LHX1: variants seen among roughly 807,000 people sequenced by gnomAD.
LHX1 encodes LIM homeobox 1.
Under a neutral mutation model 34.1 loss-of-function variants are expected in LHX1, and 9 were observed. That is an observed-to-expected ratio of 0.26 (90% CI 0.16 to 0.46). The LOEUF (loss-of-function observed/expected upper bound fraction) is 0.46. Ranked by LOEUF, LHX1 falls within the 20% of genes least tolerant of loss-of-function variation. The probability of loss-of-function intolerance (pLI) is 1.00; values close to 1 mark genes in which losing one functional copy is unlikely to be tolerated. For synonymous variants in LHX1, 254 were observed against 241.5 expected (o/e 1.05, Z -0.48); for missense variants, 446 against 559.1 (o/e 0.80, Z 2.04).
At position 36,944,317 on chromosome 17, in the gene LHX1, A is replaced by T. The variant is rs960726196; in HGVS notation, c.*1186A>T. On this transcript the variant is annotated 3_prime_UTR_variant, in exon 5 of 5. Transcript: ENST00000614239. ...GATTTAAAAAAAAACATCTTTGCTA[A>T]TTTTTTTGTCCTGTTGAACATTCAT... 2 of 151,846 alleles carry T rather than the reference A, an allele frequency of 1.3e-5. No homozygotes were observed. The highest frequency in any genetic ancestry group is 2.9e-5 in the Non-Finnish European group (2 of 67,950). 9.4% of individuals were successfully genotyped at this position (151,846 alleles called of 1,614,324 possible). A position where few individuals can be genotyped will look rare whatever the true frequency, so the allele number is the denominator to read the frequency against.
Position 36,937,735 on chromosome 17 carries a change from ACAGCTCTACCT to A in LHX1, c.-460_-450del. The A allele has an allele frequency of 2.2e-6, 1 of 454,388 alleles. No individual in the cohort carries two copies. Among genetic ancestry groups the A allele is most frequent in the South Asian group, 1.6e-5 (1 of 63,990 alleles). 28.1% of individuals were successfully genotyped at this position (454,388 alleles called of 1,614,324 possible). A position where few individuals can be genotyped will look rare whatever the true frequency, so the allele number is the denominator to read the frequency against. On this transcript the variant is annotated 5_prime_UTR_variant, in exon 1 of 5. Transcript: ENST00000614239. Reference sequence around the variant, plus strand: ...AAAAGCAGATGCACTTTGACTTCTGACAGCTCTACCTCAAGCCCCGGAGAACTCAGCGGCGC... The same window carrying A: ...AAAAGCAGATGCACTTTGACTTCTGACAAGCCCCGGAGAACTCAGCGGCGC...
Position 36,943,189 on chromosome 17 carries a change from G to GAAA in LHX1, c.*61_*63dup. ...TGTACAGAAATGAACCTTTATTTAA[G>GAAA]AAAAATAGAAAAAAAAAAACATAAA... On this transcript the variant is annotated 3_prime_UTR_variant, in exon 5 of 5. Coordinates refer to ENST00000614239, the MANE Select transcript of LHX1 (RefSeq NM_005568.5). 5 of 1,202,290 alleles carry GAAA rather than the reference G, an allele frequency of 4.2e-6. No homozygotes were observed. The highest frequency in any genetic ancestry group is 3.6e-5 in the Admixed American group (1 of 27,484). 74.5% of individuals were successfully genotyped at this position (1,202,290 alleles called of 1,614,324 possible). A position where few individuals can be genotyped will look rare whatever the true frequency, so the allele number is the denominator to read the frequency against.
rs2070786158 is a variant in LHX1 at position 36,943,944 on chromosome 17, A to AT, written c.*813_*814insT. On this transcript the variant is annotated 3_prime_UTR_variant, in exon 5 of 5. Transcript: ENST00000614239. ...ACACACAAAAAGTTAAAAAAAAAAA[A>AT]AAAGACTATTGAACTAAAAACAGTC... 6.6e-6 allele frequency: 1 copy of AT among 151,880 alleles called. No homozygotes were observed. Among genetic ancestry groups the AT allele is most frequent in the African/African-American group, 2.4e-5 (1 of 41,364 alleles). 9.4% of individuals were successfully genotyped at this position (151,880 alleles called of 1,614,324 possible).
chr17:36,940,048 C>CTT, intron 1 of LHX1: 1 of 596,848 alleles, frequency 1.7e-6, no homozygotes, highest in Non-Finnish European at 3.0e-6. Flanking sequence ...CCGCGTGTAT[C>CTT]CCCTCCCTAA....
At chr17:36,940,258 C>CCG in intron 1 of LHX1, 32 bp from the exon 2 acceptor site, 2 of 528,906 alleles carry the variant, frequency 3.8e-6, no homozygotes, top group Non-Finnish European at 3.3e-6. Flanking sequence ...GACCCATCCC[C>CCG]GCCCCCGCCC....
At position 36,937,859 on chromosome 17, in the gene LHX1, G is replaced by A. The variant is rs371627466; in HGVS notation, c.-339G>A. On this transcript the variant is annotated 5_prime_UTR_variant, in exon 1 of 5. Transcript: ENST00000614239. ...TTCCGTTCCCGCCGCCGTTCTCGCT[G>A]ACCTTCACTCCTCCGCGGGCTCTGA... The A allele has an allele frequency of 8.4e-6, 5 of 596,634 alleles. No individual in the cohort carries two copies. The highest frequency in any genetic ancestry group is 7.6e-5 in the South Asian group (5 of 65,534). 37.0% of individuals were successfully genotyped at this position (596,634 alleles called of 1,614,324 possible).
chr17:36,943,011 C>T lies in LHX1; in HGVS notation c.1101C>T (p.Ser367=), dbSNP rs1249529782. 1.2e-6 allele frequency: 2 copies of T among 1,610,610 alleles called. No individual in the cohort carries two copies. Among genetic ancestry groups the T allele is most frequent in the Non-Finnish European group, 1.7e-6 (2 of 1,178,578 alleles). Residue 367 remains serine (S), a synonymous_variant, in exon 5 of 5, where the codon TCC becomes TCT. Coordinates refer to ENST00000614239, the MANE Select transcript of LHX1 (RefSeq NM_005568.5). ...CCAGCCTGCCCGGGCCTCTGCACTC[C>T]ATGTCGGCCGAGGTCTTCGGACCCA... The part of the protein sequence containing the change: ...PEPSLPGPLH[S]MSAEVFGPSP...
At chr17:36,939,855 C>T (rs904595378) in intron 1 of LHX1, among the ~76,000 whole-genome samples, 1 of 152,376 alleles carries the variant, frequency 6.6e-6, no homozygotes, top group Non-Finnish European at 1.5e-5. Context: ...GCTCCGCGCA[C>T]GTTTATATAG....
chr17:36,942,731 G>A, intron 4 of LHX1, 21 bp from the exon 5 acceptor site: 1 of 1,473,996 alleles, frequency 6.8e-7, no homozygotes, highest in Non-Finnish European at 9.0e-7. Context: ...GACGTCCTGC[G>A]CCCTCCCCGC....
chr17:36,942,708 C>T (rs768354752), intron 4 of LHX1, 44 bp from the exon 5 acceptor site: 2 of 1,447,474 alleles, frequency 1.4e-6, no homozygotes, highest in Non-Finnish European at 1.8e-6. Flanking sequence ...CCGCCGGCCC[C>T]CGGCCGGGCC....
rs573973920 is a variant in LHX1, at chr17:36,939,642, C to G, written c.171-648C>G. 1.4e-3 allele frequency among the ~76,000 whole-genome samples: 208 copies of G among 152,344 alleles called. 1 individual carries two copies. The highest frequency in any genetic ancestry group is 4.9e-3 in the African/African-American group (203 of 41,584). ...GTCCCTGAGCCTGGCTTCCACAACCCGCGGCAGAGCGCCCAGAGCCAGCTC... is the reference window on the plus strand; with the variant it reads ...GTCCCTGAGCCTGGCTTCCACAACCGGCGGCAGAGCGCCCAGAGCCAGCTC... On this transcript the variant is annotated intron_variant, in intron 1 of 4. Coordinates refer to ENST00000614239, the MANE Select transcript of LHX1 (RefSeq NM_005568.5).
intron 3 of LHX1, chr17:36,941,334 T>C: frequency 2.8e-6 from 1 of 360,272 alleles, no homozygotes; most frequent in Non-Finnish European, 5.4e-6. Flanking sequence ...TTGCTCCAAT[T>C]AGACAAGCCC....
At chr17:36,940,258 C>CGGGGGGGGGGGGGG in intron 1 of LHX1, 32 bp from the exon 2 acceptor site, 10 of 528,874 alleles carry the variant, frequency 1.9e-5, no homozygotes, top group East Asian at 3.5e-5. Flanking sequence ...GACCCATCCC[C>CGGGGGGGGGGGGGG]GCCCCCGCCC....
chr17:36,941,406 C>T (rs1045862213), intron 3 of LHX1: 4 of 330,756 alleles, frequency 1.2e-5, no homozygotes, highest in Non-Finnish European at 2.4e-5. Flanking sequence ...CTGCTTCCAG[C>T]GGGTTGGAGT....
At chr17:36,942,512 G>A in intron 4 of LHX1, 147 bp downstream of exon 4, 2 of 955,182 alleles carry the variant, frequency 2.1e-6, no homozygotes, top group South Asian at 1.7e-5. Context: ...AAATCAAGGG[G>A]AGGCGGCGAG....
At chr17:36,938,700 G>A (rs111784625) in intron 1 of LHX1, 148 of 462,358 alleles carry the variant, frequency 3.2e-4, no homozygotes, top group Non-Finnish European at 5.2e-4. Context: ...CTTTCCCGGA[G>A]CCAAGCTCTG....
Position 36,940,766 on chromosome 17 carries a change from C to T in LHX1, c.554C>T (p.Thr185Ile). The change falls in exon 3 of 5, where the codon ACC becomes ATC. Residue 185 changes from threonine (T) to isoleucine (I), a missense_variant. Thr to Ile is a moderately conservative substitution (Grantham distance 89). This residue lies in a region of LHX1 where 43 missense variants were observed against 108.0 expected (regional missense o/e 0.40). Transcript: ENST00000614239. ...NLGAKRRGPR[T>I]TIKAKQLETL... ...GGCGCCAAGCGGCGGGGACCGCGCACCACCATCAAAGCCAAGCAGCTGGAG... is the reference window on the plus strand; with the variant it reads ...GGCGCCAAGCGGCGGGGACCGCGCATCACCATCAAAGCCAAGCAGCTGGAG... 1 of 1,613,578 alleles carries T rather than the reference C, an allele frequency of 6.2e-7. No homozygotes were observed. The highest frequency in any genetic ancestry group is 8.5e-7 in the Non-Finnish European group (1 of 1,180,058).
Position 36,943,799 on chromosome 17 carries a change from G to A in LHX1, c.*668G>A. The A allele has an allele frequency of 6.6e-6, 1 of 151,506 alleles. No homozygotes were observed. The highest frequency in any genetic ancestry group is 1.9e-4 in the East Asian group (1 of 5,186). The allele number at this position is 151,506 out of a possible 1,614,324, so 9.4% of individuals were successfully genotyped here. On this transcript the variant is annotated 3_prime_UTR_variant, in exon 5 of 5. Coordinates refer to ENST00000614239, the MANE Select transcript of LHX1 (RefSeq NM_005568.5). ...CCTCCGTATCAACTCTTCTACCTTCGCAAAACTACACATACACACATACAC... is the reference window on the plus strand; with the variant it reads ...CCTCCGTATCAACTCTTCTACCTTCACAAAACTACACATACACACATACAC...
Position 36,940,900 on chromosome 17 carries a change from C to A in LHX1, c.675+13C>A, listed in dbSNP as rs373971760. The A allele has an allele frequency of 2.2e-4, 350 of 1,570,300 alleles. 1 individual carries two copies. Among genetic ancestry groups the A allele is most frequent in the Middle Eastern group, 5.0e-4 (3 of 6,040 alleles). Reference sequence around the variant, plus strand: ...GCGCGTCATTCAGGTCAGGCCCCGGCGCGCCTCTCCATCCCACAGAGGCCC... The same window carrying A: ...GCGCGTCATTCAGGTCAGGCCCCGGAGCGCCTCTCCATCCCACAGAGGCCC... On this transcript the variant is annotated intron_variant, in intron 3 of 4. Coordinates refer to ENST00000614239, the MANE Select transcript of LHX1 (RefSeq NM_005568.5).
Sources: allele counts gnomAD v4.1 joint callset (sites outside exome capture counted in the v4.1 genomes callset), GRCh38; gene constraint gnomAD v4.1.1; regional missense constraint gnomAD v4.1.1; transcripts MANE v1.5; gene names NCBI Gene and HGNC (gene_info 2026-07-23, HGNC 2026-07-21).